CADPS: variants seen among roughly 807,000 people sequenced by gnomAD.
CADPS encodes the protein calcium-dependent secretion activator 1.
In CADPS, 57 loss-of-function variants were observed where a neutral mutation model predicts 167.3. That is an observed-to-expected ratio of 0.34 (90% confidence interval 0.28 to 0.42). The LOEUF is 0.42. Among genes scored for constraint, CADPS ranks in the 20% least tolerant of loss-of-function variants. The pLI is 1.00. For synonymous variants in CADPS, 676 were observed against 635.3 expected (o/e 1.06, Z -0.96); for missense variants, 1,414 against 1,738.1 (o/e 0.81, Z 3.32).
chr3:62,819,847 G>A (rs945225605), intron 1 of CADPS, among the ~76,000 whole-genome samples: 10 of 152,178 alleles, frequency 6.6e-5, no homozygotes, highest in Non-Finnish European at 1.3e-4. Context: ...AGGAAAACTG[G>A]AAGCTTGTGC....
intron 1 of CADPS, among the ~76,000 whole-genome samples, chr3:62,856,002 G>C (rs2079610946): frequency 2.0e-5 from 3 of 151,952 alleles, no homozygotes; most frequent in Non-Finnish European, 4.4e-5. Context: ...ACTATTCTTT[G>C]TTTTCACAAT....
chr3:62,665,494 A>G (rs964357946), intron 3 of CADPS, among the ~76,000 whole-genome samples: 6 of 152,180 alleles, frequency 3.9e-5, no homozygotes, highest in African/African-American at 1.4e-4. Flanking sequence ...GCTCTGCCTC[A>G]AACTGGAACT....
intron 28 of CADPS, among the ~76,000 whole-genome samples, chr3:62,427,810 C>T (rs2053067485): frequency 6.6e-6 from 1 of 152,104 alleles, no homozygotes; most frequent in Non-Finnish European, 1.5e-5. Context: ...AGAAATTTCA[C>T]TAGAAAGCAA....
chr3:62,419,360 G>C (rs1475573965), intron 28 of CADPS, among the ~76,000 whole-genome samples: 1 of 152,068 alleles, frequency 6.6e-6, no homozygotes, highest in Non-Finnish European at 1.5e-5. Flanking sequence ...TTTATTCATA[G>C]GCCTCCCTGT....
intron 27 of CADPS, chr3:62,440,657 C>T (rs1576086485): frequency 6.6e-6 from 1 of 152,182 alleles, no homozygotes; most frequent in Admixed American, 6.5e-5. Flanking sequence ...ATGGAGTCCT[C>T]AAGCTCCCAC....
At chr3:62,810,409 AATC>A (rs748623689) in intron 1 of CADPS, among the ~76,000 whole-genome samples, 274 of 152,226 alleles carry the variant, frequency 1.8e-3, no homozygotes, top group African/African-American at 6.1e-3. Flanking sequence ...TTATTAATAT[AATC>A]ATCATCATCA....
At chr3:62,623,654 G>A (rs1234403044) in intron 6 of CADPS, among the ~76,000 whole-genome samples, 2 of 152,126 alleles carry the variant, frequency 1.3e-5, no homozygotes, top group East Asian at 3.9e-4. Flanking sequence ...AGTGTGAGGA[G>A]TGTTAGATCC....
At chr3:62,700,159 C>A (rs1019165136) in intron 3 of CADPS, among the ~76,000 whole-genome samples, 2 of 152,176 alleles carry the variant, frequency 1.3e-5, no homozygotes, top group South Asian at 4.1e-4. Flanking sequence ...TAGGCTAAGA[C>A]CTATGGTAAG....
intron 9 of CADPS, among the ~76,000 whole-genome samples, chr3:62,567,146 C>T (rs1209187125): frequency 2.0e-5 from 3 of 152,088 alleles, no homozygotes; most frequent in African/African-American, 7.2e-5. Flanking sequence ...TGATGTTTTC[C>T]ACATATTTCC....
chr3:62,826,615 C>A (rs2074093594), intron 1 of CADPS, among the ~76,000 whole-genome samples: 1 of 152,128 alleles, frequency 6.6e-6, no homozygotes, highest in East Asian at 1.9e-4. Context: ...CTTGATGGGT[C>A]TTCAAGTCTC....
intron 9 of CADPS, among the ~76,000 whole-genome samples, chr3:62,561,648 C>A (rs1036553214): frequency 6.6e-6 from 1 of 152,022 alleles, no homozygotes; most frequent in Non-Finnish European, 1.5e-5. Context: ...CTAAGATTGC[C>A]CTTGAGTTTC....
At chr3:62,729,733 C>T (rs2152109075) in intron 3 of CADPS, among the ~76,000 whole-genome samples, 1 of 151,918 alleles carries the variant, frequency 6.6e-6, no homozygotes, top group East Asian at 1.9e-4. Flanking sequence ...TTGTTTTCTG[C>T]CAAGTGCTGG....
At chr3:62,542,262 C>A (rs1434267575) in intron 11 of CADPS, among the ~76,000 whole-genome samples, 2 of 152,120 alleles carry the variant, frequency 1.3e-5, no homozygotes, top group Non-Finnish European at 2.9e-5. Flanking sequence ...ATAGCTAATG[C>A]AACTCTAAAG....
chr3:62,501,506 A>G (rs987817901), intron 17 of CADPS, among the ~76,000 whole-genome samples: 1 of 152,158 alleles, frequency 6.6e-6, no homozygotes, highest in Admixed American at 6.5e-5. Context: ...CCCATTCGAC[A>G]CATACACCCA....
At chr3:62,572,025 G>A (rs1264123804) in intron 8 of CADPS, among the ~76,000 whole-genome samples, 1 of 152,114 alleles carries the variant, frequency 6.6e-6, no homozygotes, top group South Asian at 2.1e-4. Context: ...TTCAAATACC[G>A]AGTTCTAAAA....
intron 1 of CADPS, among the ~76,000 whole-genome samples, chr3:62,827,828 T>C (rs995501286): frequency 2.0e-5 from 3 of 152,200 alleles, no homozygotes; most frequent in Non-Finnish European, 2.9e-5. Context: ...TTTGTCTCTC[T>C]TTGCCACTTA....
intron 6 of CADPS, among the ~76,000 whole-genome samples, chr3:62,628,161 T>C (rs1011687369): frequency 6.6e-6 from 1 of 152,160 alleles, no homozygotes; most frequent in Non-Finnish European, 1.5e-5. Context: ...AGAGAAACAC[T>C]CCCTGACACG....
intron 9 of CADPS, among the ~76,000 whole-genome samples, 177 bp downstream of exon 9, chr3:62,570,695 G>A (rs1043128170): frequency 6.6e-6 from 1 of 152,112 alleles, no homozygotes; most frequent in African/African-American, 2.4e-5. Context: ...GAGCCCTTTG[G>A]GTATTGGAAA....
At chr3:62,633,514 A>T (rs2065701443) in intron 6 of CADPS, among the ~76,000 whole-genome samples, 1 of 151,950 alleles carries the variant, frequency 6.6e-6, no homozygotes, top group Non-Finnish European at 1.5e-5. Context: ...CTCCACCCTC[A>T]GGTCTTCTTC....
Sources: gnomAD v4.1 joint callset for allele counts (sites outside exome capture counted in the v4.1 genomes callset) on GRCh38, gnomAD v4.1.1 for gene constraint, MANE v1.5 for transcripts, NCBI Gene and HGNC (gene_info 2026-07-23, HGNC 2026-07-21) for gene names.